KLB: variants seen among roughly 807,000 people sequenced by gnomAD.
KLB encodes beta-klotho.
Under a neutral mutation model 88.4 loss-of-function variants are expected in KLB, and 44 were observed. The observed-to-expected ratio is 0.50, with a 90% CI of 0.39 to 0.64. KLB has a LOEUF of 0.64. KLB is among the 30% of genes least tolerant of loss of function. KLB has a pLI of 0.00. For synonymous variants in KLB, 548 were observed against 513.4 expected (o/e 1.07, Z -0.91); for missense variants, 1,137 against 1,304.8 (o/e 0.87, Z 1.98).
intron 2 of KLB, among the ~76,000 whole-genome samples, chr4:39,435,103 G>T (rs1036910695): frequency 4.8e-5 from 7 of 144,392 alleles, no homozygotes; most frequent in Non-Finnish European, 7.6e-5. Flanking sequence ...CACCATGCCC[G>T]GCCTGGCCTT....
Position 39,431,455 on chromosome 4 carries a change from T to C in KLB, c.826-2755T>C, listed in dbSNP as rs1443639402. 3.9e-5 allele frequency among the ~76,000 whole-genome samples: 6 copies of C among 152,180 alleles called. No homozygotes were observed. In the South Asian group the frequency reaches 1.2e-3, roughly 32 times the overall value. ...TAGTAGAGATGGGGTTTCTCCATGTTGATCAGGCTGGTCTGGAACTCCCGA... is the reference window on the plus strand; with the variant it reads ...TAGTAGAGATGGGGTTTCTCCATGTCGATCAGGCTGGTCTGGAACTCCCGA... On this transcript the variant is annotated intron_variant, in intron 1 of 4. Coordinates refer to ENST00000257408, the MANE Select transcript of KLB (RefSeq NM_175737.4).
At chr4:39,420,065 C>CTAAT (rs1447736916) in intron 1 of KLB, among the ~76,000 whole-genome samples, 1 of 151,440 alleles carries the variant, frequency 6.6e-6, no homozygotes, top group East Asian at 1.9e-4. Flanking sequence ...CCAGAACCTT[C>CTAAT]TAATTTACTG....
At chr4:39,440,636 C>A (rs998747738) in intron 3 of KLB, among the ~76,000 whole-genome samples, 32 of 152,124 alleles carry the variant, frequency 2.1e-4, no homozygotes, top group African/African-American at 7.5e-4. Flanking sequence ...TGGCTCACTG[C>A]AACCTCCGCC....
chr4:39,433,261 A>G (rs967305675), intron 1 of KLB, among the ~76,000 whole-genome samples: 1 of 152,220 alleles, frequency 6.6e-6, no homozygotes, highest in African/African-American at 2.4e-5. Flanking sequence ...CTAAGGTTAC[A>G]CAATGAGTAC....
At chr4:39,435,619 G>A (rs1368654762) in intron 2 of KLB, among the ~76,000 whole-genome samples, 2 of 148,290 alleles carry the variant, frequency 1.3e-5, no homozygotes, top group East Asian at 4.0e-4. Flanking sequence ...AGAGACGGGG[G>A]TTCAACATGT....
intron 1 of KLB, among the ~76,000 whole-genome samples, chr4:39,421,540 G>A (rs149948773): frequency 0.011 from 1,640 of 152,108 alleles, 14 homozygotes; most frequent in Middle Eastern, 0.048. Context: ...ACTTGAGGTC[G>A]GGAGTTCAAG....
chr4:39,416,921 T>A (rs1742976834), intron 1 of KLB, among the ~76,000 whole-genome samples: 1 of 152,160 alleles, frequency 6.6e-6, no homozygotes, highest in Non-Finnish European at 1.5e-5. Flanking sequence ...CTTAGGCACA[T>A]TTAAGTAAAC....
At chr4:39,435,488 C>CAA (rs1220697551) in intron 2 of KLB, among the ~76,000 whole-genome samples, 2 of 151,078 alleles carry the variant, frequency 1.3e-5, no homozygotes, top group Non-Finnish European at 2.9e-5. Context: ...TGCAGTGGTG[C>CAA]AATCTCAGCT....
chr4:39,428,510 A>C (rs1475794002), intron 1 of KLB, among the ~76,000 whole-genome samples: 3 of 152,160 alleles, frequency 2.0e-5, no homozygotes, highest in African/African-American at 4.8e-5. Flanking sequence ...AAATAAATTA[A>C]AGGTTATATG....
chr4:39,412,931 G>A (rs544448358), intron 1 of KLB, among the ~76,000 whole-genome samples: 171 of 152,214 alleles, frequency 1.1e-3, no homozygotes, highest in South Asian at 4.8e-3. Flanking sequence ...GCAAACTGTC[G>A]AAATATTACT....
At chr4:39,437,692 C>T (rs1743509965) in intron 2 of KLB, 35 bp from the exon 3 acceptor site, 1 of 1,572,396 alleles carries the variant, frequency 6.4e-7, no homozygotes, top group Non-Finnish European at 8.6e-7. Context: ...AATGTTTAGG[C>T]CTCTGAACAT....
intron 3 of KLB, among the ~76,000 whole-genome samples, chr4:39,439,867 C>T (rs975498946): frequency 1.3e-5 from 2 of 152,044 alleles, no homozygotes; most frequent in Non-Finnish European, 2.9e-5. Flanking sequence ...GGGGTTTCAC[C>T]ATGTTGGCCA....
At chr4:39,441,989 C>T (rs1477253238) in intron 3 of KLB, among the ~76,000 whole-genome samples, 4 of 152,140 alleles carry the variant, frequency 2.6e-5, no homozygotes, top group African/African-American at 9.7e-5. Flanking sequence ...CTCCTGTAAT[C>T]CCAGCACTTT....
intron 1 of KLB, among the ~76,000 whole-genome samples, chr4:39,410,390 G>T (rs1742812801): frequency 6.6e-6 from 1 of 152,142 alleles, no homozygotes. Flanking sequence ...TAAATGGAGG[G>T]ATATGTTTTT....
intron 3 of KLB, among the ~76,000 whole-genome samples, chr4:39,442,509 C>T (rs143564340): frequency 0.046 from 6,939 of 149,772 alleles, 197 homozygotes; most frequent in South Asian, 0.085. Flanking sequence ...TCCCAGCTTA[C>T]TGCAACCTCT....
At chr4:39,434,843 G>A (rs1578210538) in intron 2 of KLB, 123 bp downstream of exon 2, 1 of 778,350 alleles carries the variant, frequency 1.3e-6, no homozygotes, top group Non-Finnish European at 2.0e-6. Flanking sequence ...GTTTCTCGCT[G>A]TCTCCCAGGC....
rs753969333 is a variant in KLB, at chr4:39,448,315, A to G, written c.2764A>G (p.Lys922Glu). 5 of 1,591,650 alleles carry G rather than the reference A, an allele frequency of 3.1e-6. No individual in the cohort carries two copies. Among genetic ancestry groups the G allele is most frequent in the Admixed American group, 1.8e-5 (1 of 57,136 alleles). Residue 922 changes from lysine to glutamate, a missense_variant, in exon 5 of 5, where the codon AAA becomes GAA. Transcript: ENST00000257408. ...ATCTTTTTCAGCATACCTGATTGAT[A>G]AAGTCAGAATCAAAGGCTATTATGC... ...QEVLKAYLID[K>E]VRIKGYYAFK...
intron 1 of KLB, 22 bp downstream of exon 1, chr4:39,407,796 C>A (rs900563): frequency 0.2 from 264,214 of 1,332,372 alleles, 27,180 homozygotes; most frequent in East Asian, 0.37. Context: ...CTAGCTTCTT[C>A]TTATAGCTTC....
intron 3 of KLB, among the ~76,000 whole-genome samples, chr4:39,445,681 T>G (rs1331798602): frequency 2.3e-5 from 2 of 88,448 alleles, no homozygotes; most frequent in East Asian, 3.4e-4. Context: ...ATCTTGTTTT[T>G]TTGTTTTTTT....
Sources: gnomAD v4.1 joint callset for allele counts (sites outside exome capture counted in the v4.1 genomes callset) on GRCh38, gnomAD v4.1.1 for gene constraint, MANE v1.5 for transcripts, NCBI Gene and HGNC (gene_info 2026-07-23, HGNC 2026-07-21) for gene names.